The following FHOD3 variants were observed in gnomAD, a reference collection of about 807,000 sequenced individuals.
FHOD3 encodes FH1/FH2 domain-containing protein 3.
In FHOD3, 90 loss-of-function variants were observed where a neutral mutation model predicts 173.0. The observed-to-expected ratio is 0.52, with a 90% CI of 0.44 to 0.62. The LOEUF is 0.62. Among genes scored for constraint, FHOD3 ranks in the 20% least tolerant of loss-of-function variants. The pLI, the probability that FHOD3 is intolerant of heterozygous loss-of-function variation, is 0.00. For missense variants in FHOD3, 1,945 were observed against 2,034.7 expected, an observed-to-expected ratio of 0.96 and a Z score of 0.85; for synonymous variants, 828 against 823.0, an observed-to-expected ratio of 1.01 and a Z score of -0.10.
At chr18:36,759,509 C>T (rs950287540) in intron 26 of FHOD3, among the ~76,000 whole-genome samples, 10 of 152,210 alleles carry the variant, frequency 6.6e-5, no homozygotes, top group Admixed American at 2.0e-4. Flanking sequence ...ATGAAGAGTC[C>T]TGAAATCAAA....
intron 14 of FHOD3, among the ~76,000 whole-genome samples, chr18:36,669,929 A>G (rs1464027872): frequency 6.6e-6 from 1 of 152,058 alleles, no homozygotes; most frequent in Non-Finnish European, 1.5e-5. Flanking sequence ...AGGTCTAGAT[A>G]ATGAATTATT....
chr18:36,660,453 A>G (rs2036713054), intron 14 of FHOD3, among the ~76,000 whole-genome samples: 1 of 152,196 alleles, frequency 6.6e-6, no homozygotes, highest in African/African-American at 2.4e-5. Context: ...GGCTGCAGGA[A>G]CAAGGGCTGC....
intron 4 of FHOD3, among the ~76,000 whole-genome samples, chr18:36,511,768 C>T (rs1160340638): frequency 6.6e-6 from 1 of 152,204 alleles, no homozygotes; most frequent in East Asian, 1.9e-4. Flanking sequence ...CTGAGAACCA[C>T]CGGATGAGAT....
At chr18:36,329,068 G>T (rs1435904760) in intron 1 of FHOD3, among the ~76,000 whole-genome samples, 1 of 152,106 alleles carries the variant, frequency 6.6e-6, no homozygotes, top group African/African-American at 2.4e-5. Flanking sequence ...GAAAGATTGG[G>T]GGATTCTTGC....
At chr18:36,694,229 G>C (rs1204145647) in intron 17 of FHOD3, among the ~76,000 whole-genome samples, 2 of 152,248 alleles carry the variant, frequency 1.3e-5, no homozygotes, top group African/African-American at 4.8e-5. Flanking sequence ...TTAGCCAATT[G>C]AAGACAGCAG....
intron 3 of FHOD3, among the ~76,000 whole-genome samples, chr18:36,383,652 C>A (rs976208895): frequency 6.6e-6 from 1 of 152,184 alleles, no homozygotes; most frequent in Non-Finnish European, 1.5e-5. Context: ...TTCTACTAAC[C>A]ACTTAATGCT....
At chr18:36,775,228 G>C (rs1021424425) in intron 28 of FHOD3, among the ~76,000 whole-genome samples, 1 of 152,116 alleles carries the variant, frequency 6.6e-6, no homozygotes, top group Non-Finnish European at 1.5e-5. Context: ...ACCAAAAAAC[G>C]ATTTTCAAAT....
At position 36,742,682 on chromosome 18, in the gene FHOD3, C is replaced by T. The variant is rs1355831421; in HGVS notation, c.3760-55C>T. ...TCCCTTATACAAAAAGTCAGAAGAACAAAGTAAACCCAAATTGTACACTCT... is the reference window on the plus strand; with the variant it reads ...TCCCTTATACAAAAAGTCAGAAGAATAAAGTAAACCCAAATTGTACACTCT... On this transcript the variant is annotated intron_variant, in intron 21 of 28. Transcript: ENST00000590592. 2.5e-6 allele frequency: 4 copies of T among 1,574,126 alleles called. No individual in the cohort carries two copies. The African/African-American group carries it at 4.1e-5, about 16-fold the overall frequency.
At chr18:36,501,170 C>G (rs2055013330) in intron 3 of FHOD3, among the ~76,000 whole-genome samples, 1 of 152,196 alleles carries the variant, frequency 6.6e-6, no homozygotes, top group Admixed American at 6.5e-5. Context: ...TTATGGAAGT[C>G]AGCCCAAGTC....
intron 6 of FHOD3, among the ~76,000 whole-genome samples, chr18:36,584,720 C>T (rs1443882517): frequency 6.6e-6 from 1 of 152,128 alleles, no homozygotes; most frequent in African/African-American, 2.4e-5. Flanking sequence ...ACAGGAAGAT[C>T]CCTGGATCCC....
chr18:36,732,182 C>T (rs2149938210), intron 20 of FHOD3, among the ~76,000 whole-genome samples: 1 of 152,302 alleles, frequency 6.6e-6, no homozygotes, highest in African/African-American at 2.4e-5. Flanking sequence ...GGATCGTGGA[C>T]AACCACCAGC....
intron 3 of FHOD3, among the ~76,000 whole-genome samples, chr18:36,403,172 G>A (rs186597283): frequency 5.9e-5 from 9 of 152,304 alleles, no homozygotes; most frequent in Non-Finnish European, 1.5e-5. Flanking sequence ...AGTTGAGGGA[G>A]CTATGTGTGT....
chr18:36,718,798 AT>A (rs2040603505), intron 19 of FHOD3, 83 bp downstream of exon 19: 16 of 1,514,714 alleles, frequency 1.1e-5, no homozygotes, highest in Non-Finnish European at 1.4e-5. Context: ...ACTATTTTGC[AT>A]TGCTTTTGCT....
At chr18:36,683,078 A>T (rs1264352385) in intron 15 of FHOD3, among the ~76,000 whole-genome samples, 2 of 152,188 alleles carry the variant, frequency 1.3e-5, no homozygotes, top group Non-Finnish European at 2.9e-5. Context: ...TTTCCCATCA[A>T]GATAGTGTAG....
chr18:36,603,649 A>G (rs1364982645), intron 8 of FHOD3, among the ~76,000 whole-genome samples: 4 of 151,800 alleles, frequency 2.6e-5, no homozygotes, highest in Non-Finnish European at 4.4e-5. Flanking sequence ...GATTACAGGC[A>G]CGTGCCACCA....
At chr18:36,763,550 A>G (rs1464608429) in intron 27 of FHOD3, among the ~76,000 whole-genome samples, 1 of 139,964 alleles carries the variant, frequency 7.1e-6, no homozygotes, top group Non-Finnish European at 1.5e-5. Flanking sequence ...TACACGTTAT[A>G]TATAATATGT....
intron 5 of FHOD3, among the ~76,000 whole-genome samples, chr18:36,516,785 G>A (rs2056007269): frequency 6.6e-6 from 1 of 152,196 alleles, no homozygotes; most frequent in East Asian, 1.9e-4. Context: ...AAATGATATT[G>A]CAAACCGTAA....
At chr18:36,634,076 G>C (rs2034700343) in intron 10 of FHOD3, among the ~76,000 whole-genome samples, 1 of 152,218 alleles carries the variant, frequency 6.6e-6, no homozygotes, top group African/African-American at 2.4e-5. Flanking sequence ...TCGTGAGGCT[G>C]TGGAGGAGCA....
Position 36,298,016 on chromosome 18 carries a change from G to A in FHOD3, c.165+16G>A. On this transcript the variant is annotated intron_variant, in intron 1 of 28. Transcript: ENST00000590592. ...GCCGCACAAGGTACGACCCGGCGGG[G>A]TGGGCTGGGCCCCCTGGACTCAGCC... 6.6e-7 allele frequency: 1 copy of A among 1,517,722 alleles called. No homozygotes were observed. The highest frequency in any genetic ancestry group is 8.8e-7 in the Non-Finnish European group (1 of 1,133,520). The allele number at this position is 1,517,722 out of a possible 1,614,324, so 94.0% of individuals were successfully genotyped here.
Sources: gnomAD v4.1 joint callset for allele counts (sites outside exome capture counted in the v4.1 genomes callset) on GRCh38, gnomAD v4.1.1 for gene constraint, MANE v1.5 for transcripts, NCBI Gene and HGNC (gene_info 2026-07-23, HGNC 2026-07-21) for gene names.